EXOC4: variants seen among roughly 807,000 people sequenced by gnomAD.
EXOC4 encodes exocyst complex component 4, also known as SEC8-like 1.
EXOC4 carries 71 observed loss-of-function variants against 107.2 expected under a neutral mutation model. The observed-to-expected ratio is 0.66, with a 90% CI of 0.55 to 0.81. EXOC4 has a LOEUF of 0.81. EXOC4 is among the 30% of genes least tolerant of loss of function. The pLI is 0.00. For synonymous variants in EXOC4, 456 were observed against 441.2 expected, an observed-to-expected ratio of 1.03 and a Z score of -0.42; for missense variants, 1,108 against 1,189.6, an observed-to-expected ratio of 0.93 and a Z score of 1.01.
In EXOC4 at chr7:133,317,271, T is replaced by C. The variant is rs1706932373; in HGVS notation, c.657-13T>C. ...TGAAGAAAGTGGTAACTAGTGCTTC[T>C]TTTCCCGTTCAGCTCCCTCGTGAAA... On this transcript the variant is annotated splice_polypyrimidine_tract_variant and intron_variant, in intron 4 of 17. Coordinates refer to ENST00000253861, the MANE Select transcript of EXOC4 (RefSeq NM_021807.4). The C allele has an allele frequency of 1.9e-6, 3 of 1,593,326 alleles. No homozygotes were observed. The highest frequency in any genetic ancestry group is 1.7e-5 in the Admixed American group (1 of 59,844).
At chr7:133,906,210 A>C (rs1464964331) in intron 12 of EXOC4, among the ~76,000 whole-genome samples, 2 of 152,216 alleles carry the variant, frequency 1.3e-5, no homozygotes, top group East Asian at 3.9e-4. Context: ...GAAGCCCTTC[A>C]GGTTTCCTGT....
At chr7:133,878,165 T>C (rs910342865) in intron 11 of EXOC4, among the ~76,000 whole-genome samples, 1 of 152,240 alleles carries the variant, frequency 6.6e-6, no homozygotes, top group African/African-American at 2.4e-5. Context: ...ACTATCACAA[T>C]TAGAAAAAGT....
chr7:133,456,140 G>A (rs1371680678), intron 7 of EXOC4, among the ~76,000 whole-genome samples: 1 of 152,156 alleles, frequency 6.6e-6, no homozygotes, highest in East Asian at 1.9e-4. Flanking sequence ...CAAAGGAGGT[G>A]AAAGCACCTC....
intron 9 of EXOC4, chr7:133,483,912 A>C: frequency 1.1e-6 from 1 of 942,930 alleles, no homozygotes; most frequent in Non-Finnish European, 1.7e-6. Context: ...AAAAGGCATA[A>C]TTGAATAGTT....
At chr7:133,316,401 C>A (rs1039390830) in intron 4 of EXOC4, among the ~76,000 whole-genome samples, 1 of 152,154 alleles carries the variant, frequency 6.6e-6, no homozygotes, top group Non-Finnish European at 1.5e-5. Context: ...ATGGCTTCCA[C>A]TTCCCTACCC....
chr7:133,283,357 G>T (rs577610848), intron 2 of EXOC4, among the ~76,000 whole-genome samples: 1 of 152,302 alleles, frequency 6.6e-6, no homozygotes, highest in East Asian at 1.9e-4. Flanking sequence ...TTACAGGTGT[G>T]AGCCACCATG....
the EXOC4 span, among the ~76,000 whole-genome samples, chr7:134,089,802 T>C: frequency 2.1e-3 from 320 of 152,288 alleles, no homozygotes; most frequent in Non-Finnish European, 3.1e-3. Flanking sequence ...TAAAGTCTCT[T>C]TTCTTTATAA....
intron 11 of EXOC4, among the ~76,000 whole-genome samples, chr7:133,878,722 A>G (rs11487001): frequency 0.16 from 24,775 of 151,334 alleles, 2,476 homozygotes; most frequent in African/African-American, 0.27. Flanking sequence ...TGTTTTTTTT[A>G]TGTTTGTTTG....
At chr7:133,265,650 G>GT (rs1793711845) in intron 1 of EXOC4, among the ~76,000 whole-genome samples, 1 of 152,144 alleles carries the variant, frequency 6.6e-6, no homozygotes, top group Non-Finnish European at 1.5e-5. Flanking sequence ...CTTGTAATTA[G>GT]TTTTTCTGAG....
chr7:133,350,963 C>G (rs968177590), intron 5 of EXOC4, among the ~76,000 whole-genome samples: 1 of 151,712 alleles, frequency 6.6e-6, no homozygotes, highest in Admixed American at 6.6e-5. Flanking sequence ...AGTTTTTCAT[C>G]TTTTTCGTTA....
intron 7 of EXOC4, among the ~76,000 whole-genome samples, chr7:133,427,846 T>C (rs942421314): frequency 2.0e-5 from 3 of 152,278 alleles, no homozygotes; most frequent in East Asian, 1.9e-4. Flanking sequence ...GGTTCCCATG[T>C]AGAAAAATTA....
At position 133,644,809 on chromosome 7, in the gene EXOC4, G is replaced by A. The variant is rs113971706; in HGVS notation, c.1514+14668G>A. ...ACCTCCATTTGGTGGCCCCCCTCAC[G>A]CCTAGGCCCTCAGAATCTTTTCATT... On this transcript the variant is annotated intron_variant, in intron 10 of 17. Transcript: ENST00000253861. Among the ~76,000 whole-genome samples the A allele has an allele frequency of 9.4e-3, 1,432 of 152,202 alleles. 30 individuals are homozygous for A. The highest frequency in any genetic ancestry group is 0.033 in the African/African-American group (1,372 of 41,536).
intron 9 of EXOC4, among the ~76,000 whole-genome samples, chr7:133,555,905 G>A (rs142893695): frequency 6.6e-6 from 1 of 152,144 alleles, no homozygotes; most frequent in Middle Eastern, 3.2e-3. Flanking sequence ...ACCACTTGAC[G>A]TGATTTTTCA....
downstream of EXOC4, among the ~76,000 whole-genome samples, chr7:134,069,252 C>T (rs1486515570): frequency 6.6e-6 from 1 of 151,118 alleles, no homozygotes. Context: ...TCCTTATTCT[C>T]CTACTTCCTC....
At chr7:133,466,120 AG>A (rs1359324432) in intron 7 of EXOC4, among the ~76,000 whole-genome samples, 8 of 152,072 alleles carry the variant, frequency 5.3e-5, no homozygotes, top group Admixed American at 2.0e-4. Flanking sequence ...CTGGGCAACA[AG>A]AGTGAAATTC....
At chr7:133,465,956 T>C (rs1006078129) in intron 7 of EXOC4, among the ~76,000 whole-genome samples, 4 of 151,880 alleles carry the variant, frequency 2.6e-5, no homozygotes, top group Admixed American at 2.6e-4. Flanking sequence ...GCCACCATGG[T>C]GAAACCCTGT....
chr7:133,803,260 A>G (rs186407425), intron 10 of EXOC4, among the ~76,000 whole-genome samples: 24 of 152,346 alleles, frequency 1.6e-4, no homozygotes, highest in Non-Finnish European at 2.6e-4. Flanking sequence ...TATTTGTGTT[A>G]TGATAAAGCA....
intron 13 of EXOC4, among the ~76,000 whole-genome samples, chr7:133,918,598 T>G (rs1363672171): frequency 1.3e-5 from 2 of 152,236 alleles, no homozygotes; most frequent in Non-Finnish European, 2.9e-5. Flanking sequence ...AGTAGAGTCT[T>G]TCTTTTAACT....
intron 12 of EXOC4, among the ~76,000 whole-genome samples, chr7:133,903,892 A>G (rs141170717): frequency 6.6e-6 from 1 of 152,282 alleles, no homozygotes; most frequent in East Asian, 1.9e-4. Flanking sequence ...GGAGGAGGAA[A>G]ATCTAGAAAA....
Sources: gnomAD v4.1 joint callset for allele counts (sites outside exome capture counted in the v4.1 genomes callset) on GRCh38, gnomAD v4.1.1 for gene constraint, MANE v1.5 for transcripts, NCBI Gene and HGNC (gene_info 2026-07-23, HGNC 2026-07-21) for gene names.